Variants in DLGAP2 observed in about 807,000 individuals in gnomAD.
DLGAP2 encodes disks large-associated protein 2.
A neutral mutation model predicts 100.3 loss-of-function variants in DLGAP2; 26 were observed. That is an observed-to-expected ratio of 0.26 (90% confidence interval 0.19 to 0.36). The LOEUF (loss-of-function observed/expected upper bound fraction) is 0.36. DLGAP2 is among the 10% of genes least tolerant of loss of function. The pLI, the probability that DLGAP2 is intolerant of heterozygous loss-of-function variation, is 1.00. For synonymous variants in DLGAP2, 886 were observed against 630.1 expected (o/e 1.41, Z -6.08); for missense variants, 1,858 against 1,453.2 (o/e 1.28, Z -4.53).
At chr8:1,083,647 T>C (rs1803880205) in intron 2 of DLGAP2, among the ~76,000 whole-genome samples, 1 of 152,236 alleles carries the variant, frequency 6.6e-6, no homozygotes, top group African/African-American at 2.4e-5. Flanking sequence ...AATGGTTGGC[T>C]GAGCTGGGGC....
intron 2 of DLGAP2, among the ~76,000 whole-genome samples, chr8:1,169,667 G>A (rs1466409087): frequency 2.6e-5 from 4 of 152,016 alleles, no homozygotes; most frequent in Non-Finnish European, 5.9e-5. Context: ...GTTCACTCAT[G>A]GTTTGGCTCT....
intron 2 of DLGAP2, among the ~76,000 whole-genome samples, chr8:1,167,841 A>AG (rs143149696): frequency 0.19 from 28,425 of 152,034 alleles, 2,850 homozygotes; most frequent in Middle Eastern, 0.35. Context: ...CGTTCAGTAG[A>AG]GGGATGTAGA....
At chr8:1,441,701 A>T (rs1228492843) in intron 3 of DLGAP2, among the ~76,000 whole-genome samples, 1 of 151,190 alleles carries the variant, frequency 6.6e-6, no homozygotes, top group Non-Finnish European at 1.5e-5. Flanking sequence ...AAAAAAAAAA[A>T]AGTAAAACTC....
intron 12 of DLGAP2, among the ~76,000 whole-genome samples, chr8:1,687,884 A>C (rs184475674): frequency 2.0e-5 from 3 of 152,346 alleles, no homozygotes; most frequent in Non-Finnish European, 1.5e-5. Context: ...CGACTTACTT[A>C]AAATAGTCCC....
At chr8:1,305,164 C>G (rs1432324772) in intron 3 of DLGAP2, among the ~76,000 whole-genome samples, 3 of 152,124 alleles carry the variant, frequency 2.0e-5, no homozygotes, top group Non-Finnish European at 4.4e-5. Context: ...CATTCAGTGA[C>G]CTAAGCAAGT....
At chr8:1,270,101 A>C (rs971183579) in intron 3 of DLGAP2, among the ~76,000 whole-genome samples, 1 of 152,182 alleles carries the variant, frequency 6.6e-6, no homozygotes, top group Non-Finnish European at 1.5e-5. Flanking sequence ...ACCATGATGC[A>C]AAACTTTCTC....
At chr8:838,699 C>G (rs1304358758) in intron 1 of DLGAP2, among the ~76,000 whole-genome samples, 2 of 152,044 alleles carry the variant, frequency 1.3e-5, no homozygotes, top group Admixed American at 6.5e-5. Context: ...ACTTCTTTTA[C>G]TGCAAACAGG....
At chr8:777,121 T>C (rs1254301332) in intron 1 of DLGAP2, among the ~76,000 whole-genome samples, 1 of 152,174 alleles carries the variant, frequency 6.6e-6, no homozygotes, top group Non-Finnish European at 1.5e-5. Flanking sequence ...TCTTTGTCTC[T>C]TTTGATCTTT....
At chr8:1,267,459 G>T (rs13281633) in intron 3 of DLGAP2, among the ~76,000 whole-genome samples, 40,263 of 148,500 alleles carry the variant, frequency 0.27, 5,787 homozygotes, top group Non-Finnish European at 0.3. Flanking sequence ...CCAGCTAATT[G>T]GGAGGCTGAG....
chr8:816,420 G>A (rs1796482457), intron 1 of DLGAP2, among the ~76,000 whole-genome samples: 2 of 152,118 alleles, frequency 1.3e-5, no homozygotes. Context: ...TGGCTTGGTA[G>A]TGGGGAATTC....
At chr8:1,470,510 A>C (rs1483741534) in intron 3 of DLGAP2, among the ~76,000 whole-genome samples, 2 of 152,096 alleles carry the variant, frequency 1.3e-5, no homozygotes, top group African/African-American at 4.8e-5. Context: ...GAATCGTTTA[A>C]ATACAACAAA....
chr8:864,977 A>G (rs188665343), intron 1 of DLGAP2, among the ~76,000 whole-genome samples: 6 of 152,316 alleles, frequency 3.9e-5, no homozygotes, highest in Non-Finnish European at 7.4e-5. Flanking sequence ...GGATTTAGGA[A>G]TCTCAGATAT....
At chr8:1,485,536 G>A (rs542210467) in intron 3 of DLGAP2, among the ~76,000 whole-genome samples, 1 of 152,212 alleles carries the variant, frequency 6.6e-6, no homozygotes, top group Non-Finnish European at 1.5e-5. Context: ...ATTTGGAGAG[G>A]CCGTGTGTCC....
chr8:1,523,399 G>A lies in DLGAP2; in HGVS notation c.172+21968G>A, dbSNP rs139780064. 1.4e-3 allele frequency among the ~76,000 whole-genome samples: 206 copies of A among 152,314 alleles called. 2 individuals carry two copies. Among genetic ancestry groups the A allele is most frequent in the African/African-American group, 4.7e-3 (194 of 41,568 alleles). On this transcript the variant is annotated intron_variant, in intron 4 of 14. Coordinates refer to ENST00000637795, the MANE Select transcript of DLGAP2 (RefSeq NM_001346810.2). ...ACGGGGGATTTGCCGGCCTCACGCC[G>A]GCCGAGCCACTGCTGACTTCACGCA...
At chr8:802,849 C>G (rs532092730) in intron 1 of DLGAP2, among the ~76,000 whole-genome samples, 123 of 152,304 alleles carry the variant, frequency 8.1e-4, no homozygotes, top group Non-Finnish European at 1.6e-3. Flanking sequence ...TGGGAGCGAA[C>G]TCGTTTGCAG....
intron 3 of DLGAP2, among the ~76,000 whole-genome samples, chr8:1,480,324 G>A (rs546662635): frequency 3.9e-5 from 6 of 152,328 alleles, no homozygotes; most frequent in Admixed American, 2.6e-4. Flanking sequence ...GGAAGAGGAA[G>A]AGGATGGGTG....
intron 3 of DLGAP2, among the ~76,000 whole-genome samples, chr8:1,426,253 C>A (rs193035826): frequency 2.6e-4 from 40 of 152,250 alleles, no homozygotes; most frequent in African/African-American, 9.4e-4. Context: ...AAGTTAAGAA[C>A]AGATGTCTAT....
chr8:1,352,163 G>A lies in DLGAP2; in HGVS notation c.106+93280G>A, dbSNP rs1476358081. Among the ~76,000 whole-genome samples, 4 of 110,484 alleles carry A rather than the reference G, an allele frequency of 3.6e-5. 1 individual carries two copies. The highest frequency in any genetic ancestry group is 7.8e-5 in the Non-Finnish European group (4 of 51,588). 72.5% of individuals were successfully genotyped at this position (110,484 alleles called of 152,430 possible). On this transcript the variant is annotated intron_variant, in intron 3 of 14. Coordinates refer to ENST00000637795, the MANE Select transcript of DLGAP2 (RefSeq NM_001346810.2). ...CTGACTGTGTGTGGAAAGGCCGTGC[G>A]GGTCCTGAGTGTGTGTGGATAGGCT...
intron 2 of DLGAP2, among the ~76,000 whole-genome samples, chr8:1,217,944 G>A (rs1008738244): frequency 1.3e-5 from 2 of 151,982 alleles, no homozygotes; most frequent in Admixed American, 1.3e-4. Context: ...ATTTTTTAAT[G>A]GGGTTGTTTT....
Sources: gnomAD v4.1 joint callset for allele counts (sites outside exome capture counted in the v4.1 genomes callset) on GRCh38, gnomAD v4.1.1 for gene constraint, MANE v1.5 for transcripts, NCBI Gene and HGNC (gene_info 2026-07-23, HGNC 2026-07-21) for gene names.